DCTN5: variants seen among roughly 807,000 people sequenced by gnomAD.
The protein encoded by DCTN5 is dynactin subunit 5.
A neutral mutation model predicts 23.5 loss-of-function variants in DCTN5; 14 were observed. That is an observed-to-expected ratio of 0.60 (90% CI 0.39 to 0.93). DCTN5 has a LOEUF of 0.93. DCTN5 is among the 40% of genes least tolerant of loss of function. The pLI is 0.00. For missense variants in DCTN5, 156 were observed against 225.9 expected (o/e 0.69, Z 1.98); for synonymous variants, 67 against 79.6 (o/e 0.84, Z 0.84).
intron 1 of DCTN5, 29 bp downstream of exon 1, chr16:23,641,619 C>G: frequency 2.4e-5 from 38 of 1,613,366 alleles, no homozygotes; most frequent in Non-Finnish European, 3.2e-5. Context: ...GTATCCTCCT[C>G]TTTCCAACCC....
Position 23,669,056 on chromosome 16 carries a change from G to GT in DCTN5, c.*1913dup, listed in dbSNP as rs1967958450. On this transcript the variant is annotated 3_prime_UTR_variant, in exon 6 of 6. Transcript: ENST00000300087. ...AAGATGTGTTGACAGTCGTGAGTGT[G>GT]TATCCTAGGAAAGGCGAGCTGGACT... The GT allele has an allele frequency of 6.6e-6, 1 of 152,632 alleles. No homozygotes were observed. Among genetic ancestry groups the GT allele is most frequent in the Non-Finnish European group, 1.5e-5 (1 of 68,058 alleles). The allele number at this position is 152,632 out of a possible 1,614,324, so 9.5% of individuals were successfully genotyped here.
intron 4 of DCTN5, among the ~76,000 whole-genome samples, chr16:23,663,579 G>A (rs533506432): frequency 1.2e-4 from 19 of 152,124 alleles, no homozygotes; most frequent in African/African-American, 3.6e-4. Context: ...AACTGGGCAT[G>A]GTAGCACATG....
intron 2 of DCTN5, among the ~76,000 whole-genome samples, chr16:23,645,137 A>ATATATATTTT (rs1555462995): frequency 3.2e-5 from 1 of 30,804 alleles, no homozygotes; most frequent in Non-Finnish European, 5.6e-5. Context: ...ATATATATAT[A>ATATATATTTT]TTTTTTTTTT....
Position 23,667,153 on chromosome 16 carries a change from C to A in DCTN5, c.*9C>A, listed in dbSNP as rs748811796. 3.2e-5 allele frequency: 51 copies of A among 1,611,964 alleles called. No homozygotes were observed. Among genetic ancestry groups the A allele is most frequent in the African/African-American group, 4.0e-5 (3 of 74,814 alleles). ...CCCTGACGCAAGTCTAGCATCTCTG[C>A]CTCATGTCTTGAATCTGCTTGAGCT... On this transcript the variant is annotated 3_prime_UTR_variant, in exon 6 of 6. Coordinates refer to ENST00000300087, the MANE Select transcript of DCTN5 (RefSeq NM_032486.4).
chr16:23,645,137 ATTT>A (rs869033729), intron 2 of DCTN5, among the ~76,000 whole-genome samples: 3 of 30,804 alleles, frequency 9.7e-5, no homozygotes, highest in Admixed American at 5.0e-4. Flanking sequence ...ATATATATAT[ATTT>A]TTTTTTTTTT....
chr16:23,645,137 A>ATATATATAT (rs1555462995), intron 2 of DCTN5, among the ~76,000 whole-genome samples: 2 of 30,804 alleles, frequency 6.5e-5, no homozygotes, highest in African/African-American at 1.3e-4. Flanking sequence ...ATATATATAT[A>ATATATATAT]TTTTTTTTTT....
intron 2 of DCTN5, among the ~76,000 whole-genome samples, chr16:23,654,108 C>G (rs368384450): frequency 6.6e-6 from 1 of 152,288 alleles, no homozygotes; most frequent in South Asian, 2.1e-4. Flanking sequence ...TTGTGGAAGA[C>G]AGTGTGGTGA....
intron 2 of DCTN5, chr16:23,650,942 G>C: frequency 7.0e-7 from 1 of 1,425,378 alleles, no homozygotes; most frequent in Non-Finnish European, 9.5e-7. Context: ...ACAGGCCCAC[G>C]TGGCAACAAT....
At chr16:23,657,959 C>T (rs1967740497) in intron 2 of DCTN5, among the ~76,000 whole-genome samples, 1 of 152,162 alleles carries the variant, frequency 6.6e-6, no homozygotes, top group Admixed American at 6.5e-5. Flanking sequence ...AAGTATAAGG[C>T]ATTAATCCTC....
chr16:23,670,947 C>G lies in DCTN5; in HGVS notation c.*3803C>G, dbSNP rs1967996022. 6.6e-6 allele frequency: 1 copy of G among 152,242 alleles called. No homozygotes were observed. The highest frequency in any genetic ancestry group is 1.5e-5 in the Non-Finnish European group (1 of 68,052). 9.4% of individuals were successfully genotyped at this position (152,242 alleles called of 1,614,324 possible). The stretch of plus-strand genomic sequence containing the variant: ...CCAAGCCACTACTAGGTGCCAAGCA[C>G]TTCCTAGGTCCTGGGGATACAGTGG... On this transcript the variant is annotated 3_prime_UTR_variant, in exon 6 of 6. Coordinates refer to ENST00000300087, the MANE Select transcript of DCTN5 (RefSeq NM_032486.4).
At chr16:23,658,964 T>C (rs1296267461) in intron 3 of DCTN5, among the ~76,000 whole-genome samples, 2 of 152,236 alleles carry the variant, frequency 1.3e-5, no homozygotes, top group Non-Finnish European at 2.9e-5. Flanking sequence ...AAGACTGTTT[T>C]GTCTACCTAT....
intron 3 of DCTN5, 125 bp downstream of exon 3, chr16:23,658,750 C>G (rs1016799040): frequency 3.3e-5 from 24 of 727,960 alleles, no homozygotes; most frequent in Non-Finnish European, 5.3e-5. Flanking sequence ...TAAGAGTTCA[C>G]CATAATGAAC....
intron 1 of DCTN5, 122 bp from the exon 2 acceptor site, chr16:23,642,833 C>T: frequency 1.3e-6 from 1 of 788,420 alleles, no homozygotes; most frequent in Non-Finnish European, 2.2e-6. Context: ...TGGACTCACT[C>T]CATTGTGGAC....
intron 2 of DCTN5, chr16:23,650,724 A>C (rs1196052614): frequency 6.5e-7 from 1 of 1,529,690 alleles, no homozygotes; most frequent in Non-Finnish European, 8.8e-7. Context: ...GTTATGAACA[A>C]TCCATTTATA....
intron 2 of DCTN5, among the ~76,000 whole-genome samples, chr16:23,646,868 A>G (rs1268156453): frequency 1.3e-5 from 2 of 151,968 alleles, no homozygotes; most frequent in East Asian, 3.9e-4. Flanking sequence ...GAACCACTGT[A>G]CCCAGCTTGA....
intron 2 of DCTN5, chr16:23,650,648 C>A: frequency 1.9e-6 from 2 of 1,074,882 alleles, no homozygotes; most frequent in African/African-American, 1.6e-5. Flanking sequence ...ATTTTCACTG[C>A]TGTGTACAAT....
chr16:23,664,370 A>T (rs749107665), intron 4 of DCTN5, among the ~76,000 whole-genome samples: 8 of 152,222 alleles, frequency 5.3e-5, no homozygotes, highest in Non-Finnish European at 1.2e-4. Context: ...TTCCTAGAAA[A>T]ACATATGATT....
intron 4 of DCTN5, among the ~76,000 whole-genome samples, chr16:23,662,431 AGAT>A (rs147042329): frequency 2.1e-3 from 316 of 152,284 alleles, no homozygotes; most frequent in African/African-American, 7.3e-3. Flanking sequence ...GTGATTTCTT[AGAT>A]GATGAGCTTG....
rs1968047406 is a variant in DCTN5, at chr16:23,673,607, G to T, written c.*6463G>T. ...CTCTTAAAAAAAAAGTTTTATGCTT[G>T]TTAATTTCATAAATGCTAGAGGGAT... is the stretch of plus-strand genomic sequence containing the variant. On this transcript the variant is annotated 3_prime_UTR_variant, in exon 6 of 6. Transcript: ENST00000300087. 6.6e-6 allele frequency: 1 copy of T among 152,194 alleles called. No individual in the cohort carries two copies. The highest frequency in any genetic ancestry group is 6.5e-5 in the Admixed American group (1 of 15,280). 9.4% of individuals were successfully genotyped at this position (152,194 alleles called of 1,614,324 possible). A position where few individuals can be genotyped will look rare whatever the true frequency, so the allele number is the denominator to read the frequency against.
Sources: allele counts gnomAD v4.1 joint callset (sites outside exome capture counted in the v4.1 genomes callset), GRCh38; gene constraint gnomAD v4.1.1; transcripts MANE v1.5; gene names NCBI Gene and HGNC (gene_info 2026-07-23, HGNC 2026-07-21).